The following BLACAT1 variants were observed in gnomAD, a reference collection of about 807,000 sequenced individuals.
BLACAT1 encodes the protein bladder cancer associated transcript 1.
intron 1 of BLACAT1, among the ~76,000 whole-genome samples, chr1:205,442,889 T>C (rs1000171642): frequency 6.6e-6 from 1 of 152,312 alleles, no homozygotes; most frequent in African/African-American, 2.4e-5. Flanking sequence ...CTGGGTTCTA[T>C]TCCTGGCTCT....
downstream of BLACAT1, chr1:205,437,932 C>A (rs374440421): frequency 6.6e-6 from 1 of 151,132 alleles, no homozygotes; most frequent in East Asian, 1.9e-4. Context: ...CTTTTTTTTT[C>A]CTAAAAATAA....
intron 1 of BLACAT1, among the ~76,000 whole-genome samples, chr1:205,442,069 G>A (rs1344887108): frequency 6.6e-6 from 1 of 152,154 alleles, no homozygotes; most frequent in African/African-American, 2.4e-5. Flanking sequence ...CTCTGCCCCT[G>A]GGCCTATGGA....
intron 1 of BLACAT1, among the ~76,000 whole-genome samples, chr1:205,446,310 C>G (rs1004048474): frequency 6.6e-6 from 1 of 152,250 alleles, no homozygotes; most frequent in East Asian, 1.9e-4. Context: ...AAAGCGAGGA[C>G]TGTCTCGGGT....
intron 1 of BLACAT1, among the ~76,000 whole-genome samples, chr1:205,454,712 G>A (rs1365982023): frequency 6.6e-6 from 1 of 152,024 alleles, no homozygotes; most frequent in Admixed American, 6.6e-5. Context: ...CCCTAAAGGG[G>A]GTTTCTTAGA....
In BLACAT1 at chr1:205,450,115, T is replaced by TGGGGGCGGGCTGGGCAGGCG. The variant is rs1379460262; in HGVS notation, c.-37+5782_-37+5801dup. Among the ~76,000 whole-genome samples, 4 of 151,288 alleles carry TGGGGGCGGGCTGGGCAGGCG rather than the reference T, an allele frequency of 2.6e-5. No individual in the cohort carries two copies. The highest frequency in any genetic ancestry group is 6.6e-5 in the Admixed American group (1 of 15,218). On this transcript the variant is annotated intron_variant, in intron 1 of 1. Transcript: ENST00000629624. The surrounding 1 kb of genome is among the most constrained non-coding windows in gnomAD (Gnocchi z 4.4). ...GCCCTGAGGACGGTGGGGGTGGGGG[T>TGGGGGCGGGCTGGGCAGGCG]GGGGGCGGGCTGGGCAGGCGGGGCA...
Position 205,448,482 on chromosome 1 carries a change from G to A in BLACAT1, c.-36-7420C>T, listed in dbSNP as rs1411180249. 3 of 482,738 alleles carry A rather than the reference G, an allele frequency of 6.2e-6. No homozygotes were observed. Among genetic ancestry groups the A allele is most frequent in the African/African-American group, 4.0e-5 (2 of 49,890 alleles). The allele number at this position is 482,738 out of a possible 1,614,324, so 29.9% of individuals were successfully genotyped here. A position where few individuals can be genotyped will look rare whatever the true frequency, so the allele number is the denominator to read the frequency against. On this transcript the variant is annotated intron_variant, in intron 1 of 1. Transcript: ENST00000629624. The surrounding 1 kb of genome is among the most constrained non-coding windows in gnomAD (Gnocchi z 4.7). Reference sequence around the variant, plus strand: ...CCTCACTCCCCTTCTCAGCACCCCCGACCCCAGACCCACCCACACTGCCTC... The same window carrying A: ...CCTCACTCCCCTTCTCAGCACCCCCAACCCCAGACCCACCCACACTGCCTC...
At chr1:205,438,713 G>A (rs778189041), downstream of BLACAT1, among the ~76,000 whole-genome samples, 1 of 152,114 alleles carries the variant, frequency 6.6e-6, no homozygotes, top group Non-Finnish European at 1.5e-5. Context: ...CTTGGAGGCA[G>A]AGGACAACTG....
chr1:205,441,526 G>C lies in BLACAT1; in HGVS notation c.-36-464C>G, dbSNP rs1002142349. On this transcript the variant is annotated intron_variant, in intron 1 of 1. Coordinates refer to ENST00000629624, the Ensembl canonical transcript of BLACAT1. This position sits in a 1 kb window ranked among gnomAD's most constrained non-coding sequence, Gnocchi z 4.3. Reference sequence around the variant, plus strand: ...GACAGGCCCTCCTCCATCCAAATGCGGACCCCTTCATCCAGTGTAGCTTTA... The same window carrying C: ...GACAGGCCCTCCTCCATCCAAATGCCGACCCCTTCATCCAGTGTAGCTTTA... Among the ~76,000 whole-genome samples the C allele has an allele frequency of 3.3e-5, 5 of 152,096 alleles. No homozygotes were observed. The highest frequency in any genetic ancestry group is 1.2e-4 in the African/African-American group (5 of 41,416).
chr1:205,444,113 G>A (rs970680391), intron 1 of BLACAT1, among the ~76,000 whole-genome samples: 1 of 152,048 alleles, frequency 6.6e-6, no homozygotes, highest in Non-Finnish European at 1.5e-5. Context: ...GCTCATCATG[G>A]GAACTCCCCT....
chr1:205,435,000 C>T (rs149787595), downstream of BLACAT1: 1,073 of 152,288 alleles, frequency 7.0e-3, 16 homozygotes, highest in East Asian at 8.9e-3. Flanking sequence ...AACCATGCAA[C>T]TTGAGCCAAA....
chr1:205,448,206 C>T lies in BLACAT1; in HGVS notation c.-36-7144G>A. 1 of 452,946 alleles carries T rather than the reference C, an allele frequency of 2.2e-6. No individual in the cohort carries two copies. Among genetic ancestry groups the T allele is most frequent in the South Asian group, 1.6e-5 (1 of 61,354 alleles). The allele number at this position is 452,946 out of a possible 1,614,324, so 28.1% of individuals were successfully genotyped here. A position where few individuals can be genotyped will look rare whatever the true frequency, so the allele number is the denominator to read the frequency against. On this transcript the variant is annotated intron_variant, in intron 1 of 1. Transcript: ENST00000629624. The surrounding 1 kb of genome is among the most constrained non-coding windows in gnomAD (Gnocchi z 4.7). ...AGCCCCGATCCCAGGTTACCAGATC[C>T]CGTGATGCCCCACCCCCAAGCAAAG...
downstream of BLACAT1, chr1:205,435,989 T>C (rs1666198067): frequency 6.6e-6 from 1 of 152,222 alleles, no homozygotes; most frequent in African/African-American, 2.4e-5. Context: ...CTGGCCTCTC[T>C]GGAACAGAGA....
At chr1:205,443,888 A>ACAAACCT (rs1666338579) in intron 1 of BLACAT1, among the ~76,000 whole-genome samples, 1 of 152,136 alleles carries the variant, frequency 6.6e-6, no homozygotes, top group Non-Finnish European at 1.5e-5. Context: ...AGCAGCAGGT[A>ACAAACCT]CCTGGGGAGT....
chr1:205,442,613 A>G (rs571485472), intron 1 of BLACAT1, among the ~76,000 whole-genome samples: 6 of 152,302 alleles, frequency 3.9e-5, no homozygotes, highest in African/African-American at 1.4e-4. Context: ...GGTGCAATGC[A>G]TTTCCACTGG....
chr1:205,446,229 G>A (rs1666386002), intron 1 of BLACAT1, among the ~76,000 whole-genome samples: 1 of 152,192 alleles, frequency 6.6e-6, no homozygotes, highest in Admixed American at 6.5e-5. Context: ...ATTGGCAGTA[G>A]CCAAGAGACA....
At chr1:205,446,557 A>T (rs1376657159) in intron 1 of BLACAT1, among the ~76,000 whole-genome samples, 4 of 152,196 alleles carry the variant, frequency 2.6e-5, no homozygotes, top group South Asian at 2.1e-4. Flanking sequence ...ACTGAACAAC[A>T]GGATTCCCGG....
At chr1:205,451,844 T>C (rs1464286219) in intron 1 of BLACAT1, among the ~76,000 whole-genome samples, 1 of 151,892 alleles carries the variant, frequency 6.6e-6, no homozygotes, top group Non-Finnish European at 1.5e-5. Flanking sequence ...TCCCATTGGG[T>C]AGATGAGAAA....
At chr1:205,445,860 G>A (rs1260038275) in intron 1 of BLACAT1, among the ~76,000 whole-genome samples, 5 of 152,188 alleles carry the variant, frequency 3.3e-5, no homozygotes, top group Non-Finnish European at 5.9e-5. Flanking sequence ...GATGGGGAGA[G>A]AGACTTTTTT....
intron 1 of BLACAT1, among the ~76,000 whole-genome samples, chr1:205,445,320 G>A (rs2102471445): frequency 6.6e-6 from 1 of 152,320 alleles, no homozygotes; most frequent in East Asian, 1.9e-4. Flanking sequence ...GGGGTGGGTG[G>A]TGGCACAAAC....
Sources: gnomAD v4.1 joint callset for allele counts (sites outside exome capture counted in the v4.1 genomes callset) on GRCh38, gnomAD v4.1.1 for gene constraint, Gnocchi (gnomAD v3.1) non-coding constraint, MANE v1.5 for transcripts, NCBI Gene and HGNC (gene_info 2026-07-23, HGNC 2026-07-21) for gene names.